Variants in DOCK4 observed in about 807,000 individuals in gnomAD.
The protein encoded by DOCK4 is dedicator of cytokinesis protein 4.
DOCK4 carries 97 observed loss-of-function variants against 268.1 expected under a neutral mutation model. The ratio of observed to expected loss-of-function variants is 0.36; its 90% CI spans 0.31 to 0.43. The LOEUF (loss-of-function observed/expected upper bound fraction) is 0.43. Among genes scored for constraint, DOCK4 ranks in the 20% least tolerant of loss-of-function variants. DOCK4 has a pLI of 1.00. For synonymous variants in DOCK4, 954 were observed against 887.2 expected (o/e 1.08, Z -1.34); for missense variants, 2,145 against 2,455.7 (o/e 0.87, Z 2.67).
At chr7:112,096,708 G>A (rs1447154739) in intron 1 of DOCK4, among the ~76,000 whole-genome samples, 1 of 152,196 alleles carries the variant, frequency 6.6e-6, no homozygotes, top group Non-Finnish European at 1.5e-5. Flanking sequence ...TGTAAATGAG[G>A]CATTCTAGAA....
intron 1 of DOCK4, among the ~76,000 whole-genome samples, chr7:112,175,058 T>A (rs1375069900): frequency 6.6e-6 from 1 of 150,914 alleles, no homozygotes; most frequent in Non-Finnish European, 1.5e-5. Flanking sequence ...AGAGACAGGG[T>A]TTCACCGTGT....
At chr7:112,104,675 AC>A (rs1180283341) in intron 1 of DOCK4, among the ~76,000 whole-genome samples, 1 of 152,198 alleles carries the variant, frequency 6.6e-6, no homozygotes, top group African/African-American at 2.4e-5. Context: ...TATCCAAATG[AC>A]CTATGGTGTT....
Position 111,847,068 on chromosome 7 carries a change from T to C in DOCK4, c.2532A>G (p.Glu844=). ...VLHHLHIHLQ[E]QKDLIMCARI... is the part of the protein sequence containing the mutation. The stretch of plus-strand genomic sequence containing the variant: ...GTGCACACATGATCAGGTCCTTCTG[T>C]TCTTGCAAGTGAATGTGGAGGTGAT... Residue 844 remains glutamate (E), a synonymous_variant, in exon 24 of 53, where the codon GAA becomes GAG. Transcript: ENST00000428084. 2.5e-6 allele frequency: 4 copies of C among 1,613,868 alleles called. No individual in the cohort carries two copies. Among genetic ancestry groups the C allele is most frequent in the Non-Finnish European group, 3.4e-6 (4 of 1,179,792 alleles).
intron 4 of DOCK4, among the ~76,000 whole-genome samples, chr7:111,997,018 T>A (rs1013542058): frequency 4.6e-5 from 7 of 152,192 alleles, no homozygotes; most frequent in African/African-American, 1.7e-4. Context: ...GAGGACTGGT[T>A]GCACAGGCTT....
intron 1 of DOCK4, among the ~76,000 whole-genome samples, chr7:112,063,270 C>T (rs181457228): frequency 0.011 from 1,693 of 152,316 alleles, 10 homozygotes; most frequent in Non-Finnish European, 0.017. Context: ...TTGCTATACA[C>T]CAGTCTGTAA....
chr7:112,142,935 A>C (rs1815072074), intron 1 of DOCK4, among the ~76,000 whole-genome samples: 1 of 152,144 alleles, frequency 6.6e-6, no homozygotes, highest in African/African-American at 2.4e-5. Flanking sequence ...ACTAGACATT[A>C]GGTTGTACCT....
intron 25 of DOCK4, among the ~76,000 whole-genome samples, chr7:111,844,193 T>C (rs78802041): frequency 0.022 from 3,407 of 152,264 alleles, 122 homozygotes; most frequent in African/African-American, 0.078. Flanking sequence ...GGAGAATTAC[T>C]TGAACCCGGG....
At chr7:112,066,923 C>T (rs7796169) in intron 1 of DOCK4, among the ~76,000 whole-genome samples, 33,433 of 149,524 alleles carry the variant, frequency 0.22, 7,362 homozygotes, top group African/African-American at 0.56. Flanking sequence ...AGCAGGAGGA[C>T]TGCTTGAGCC....
chr7:111,868,823 T>A (rs1806192605), intron 21 of DOCK4, among the ~76,000 whole-genome samples: 1 of 152,246 alleles, frequency 6.6e-6, no homozygotes, highest in African/African-American at 2.4e-5. Context: ...AACTGTTTTT[T>A]AAAAAATAAT....
chr7:111,998,609 T>C (rs1800166122), intron 3 of DOCK4, 106 bp from the exon 4 acceptor site: 5 of 703,164 alleles, frequency 7.1e-6, no homozygotes, highest in South Asian at 6.3e-5. Context: ...ACATCAGGAA[T>C]AGGGAAAAGC....
intron 29 of DOCK4, among the ~76,000 whole-genome samples, 160 bp from the exon 30 acceptor site, chr7:111,809,039 G>A (rs1800879492): frequency 6.6e-6 from 1 of 152,150 alleles, no homozygotes; most frequent in African/African-American, 2.4e-5. Context: ...GTCAAATTCT[G>A]GTGTAAACCT....
Position 111,778,316 on chromosome 7 carries a change from G to A in DOCK4, c.3639C>T (p.His1213=). ...CTTTGAGATGCAGATCATAGAGTTT[G>A]TGAATGTAGCGTATATACATCTCCT... ...NKEEMYIRYI[H]KLYDLHLKAQ... The change falls in exon 36 of 53, where the codon CAC becomes CAT. Residue 1213 remains histidine (H), a synonymous_variant. Transcript: ENST00000428084. 6.2e-7 allele frequency: 1 copy of A among 1,613,150 alleles called. No individual in the cohort carries two copies. The highest frequency in any genetic ancestry group is 8.5e-7 in the Non-Finnish European group (1 of 1,179,342).
chr7:111,778,046 C>T (rs1184171080), intron 36 of DOCK4, among the ~76,000 whole-genome samples: 1 of 152,202 alleles, frequency 6.6e-6, no homozygotes, highest in East Asian at 1.9e-4. Flanking sequence ...TTGTAATCCC[C>T]AGAGCAACCT....
At chr7:112,169,703 C>T (rs564545364) in intron 1 of DOCK4, among the ~76,000 whole-genome samples, 3 of 152,234 alleles carry the variant, frequency 2.0e-5, no homozygotes, top group South Asian at 4.2e-4. Context: ...ATTCTGGCCT[C>T]GATTCCAGCA....
chr7:111,994,247 A>G lies in DOCK4; in HGVS notation c.219-16T>C. On this transcript the variant is annotated splice_polypyrimidine_tract_variant and intron_variant, in intron 4 of 52. Coordinates refer to ENST00000428084, the MANE Select transcript of DOCK4 (RefSeq NM_001363540.2). The stretch of plus-strand genomic sequence containing the variant: ...TTCAAATTGTCTGTGAAATTAAAAA[A>G]GAAAAAGTATATATGTAAATACCAT... The G allele has an allele frequency of 6.6e-7, 1 of 1,523,066 alleles. No homozygotes were observed. The allele number at this position is 1,523,066 out of a possible 1,614,324, so 94.3% of individuals were successfully genotyped here. A position where few individuals can be genotyped will look rare whatever the true frequency, so the allele number is the denominator to read the frequency against.
intron 40 of DOCK4, 86 bp downstream of exon 40, chr7:111,760,095 G>A (rs1797282251): frequency 6.5e-6 from 10 of 1,536,804 alleles, no homozygotes; most frequent in Admixed American, 1.7e-5. Context: ...AAAAGGGACT[G>A]GTGGCTGAAC....
At chr7:111,830,297 G>T (rs540982681) in intron 26 of DOCK4, among the ~76,000 whole-genome samples, 44 of 152,174 alleles carry the variant, frequency 2.9e-4, no homozygotes, top group African/African-American at 9.1e-4. Flanking sequence ...GTGGTGGCGC[G>T]TGCCTGTAGT....
At chr7:111,895,816 A>G in intron 15 of DOCK4, 98 bp from the exon 16 acceptor site, 1 of 1,077,822 alleles carries the variant, frequency 9.3e-7, no homozygotes, top group Non-Finnish European at 1.4e-6. Flanking sequence ...CTCATACACA[A>G]CAGTTCCCAC....
chr7:111,896,614 G>T (rs1030972920), intron 15 of DOCK4, among the ~76,000 whole-genome samples: 2 of 151,826 alleles, frequency 1.3e-5, no homozygotes, highest in African/African-American at 4.8e-5. Flanking sequence ...GTTAAGGGCT[G>T]GATGGTTACT....
Sources: gnomAD v4.1 joint callset for allele counts (sites outside exome capture counted in the v4.1 genomes callset) on GRCh38, gnomAD v4.1.1 for gene constraint, MANE v1.5 for transcripts, NCBI Gene and HGNC (gene_info 2026-07-23, HGNC 2026-07-21) for gene names.